PRKN: variants seen among roughly 807,000 people sequenced by gnomAD.
PRKN encodes the protein parkin RBR E3 ubiquitin protein ligase.
Under a neutral mutation model 59.5 loss-of-function variants are expected in PRKN, and 56 were observed. That is an observed-to-expected ratio of 0.94 (90% confidence interval 0.76 to 1.18). The LOEUF (loss-of-function observed/expected upper bound fraction) is 1.18, where lower values mean the gene tolerates loss of function less well. PRKN is among the 50% of genes most tolerant of loss of function. The probability of loss-of-function intolerance (pLI) is 0.00; values close to 1 mark genes in which losing one functional copy is unlikely to be tolerated. For synonymous variants in PRKN, 250 were observed against 222.1 expected (o/e 1.13, Z -1.12); for missense variants, 657 against 596.4 (o/e 1.10, Z -1.06).
rs1399120510 is a variant in PRKN, at chr6:162,572,766, A to G, written c.8-129293T>C. ...ATGAATGATAACACTTATTATGCAG[A>G]CATACATTATCCATCCACTCCTTTA... is the stretch of plus-strand genomic sequence containing the variant. On this transcript the variant is annotated intron_variant, in intron 1 of 11. Coordinates refer to ENST00000366898, the MANE Select transcript of PRKN (RefSeq NM_004562.3). 2.6e-5 allele frequency among the ~76,000 whole-genome samples: 4 copies of G among 152,194 alleles called. No homozygotes were observed. In the East Asian group the frequency reaches 7.7e-4, roughly 29 times the overall value.
At chr6:162,101,012 T>C (rs1202384637) in intron 4 of PRKN, among the ~76,000 whole-genome samples, 6 of 152,166 alleles carry the variant, frequency 3.9e-5, no homozygotes, top group African/African-American at 1.4e-4. Context: ...TGGCAAATAT[T>C]TTCTGCCATT....
intron 5 of PRKN, among the ~76,000 whole-genome samples, chr6:162,048,027 A>C (rs996769395): frequency 1.3e-5 from 2 of 152,162 alleles, no homozygotes; most frequent in Non-Finnish European, 2.9e-5. Context: ...ATTTCATTTG[A>C]AATAAATCTT....
At chr6:162,436,010 T>C (rs1398794181) in intron 2 of PRKN, among the ~76,000 whole-genome samples, 3 of 151,734 alleles carry the variant, frequency 2.0e-5, no homozygotes, top group Non-Finnish European at 4.4e-5. Context: ...AAGCAATCTC[T>C]ACTAAAAATA....
chr6:162,620,721 C>A (rs1208457979), intron 1 of PRKN, among the ~76,000 whole-genome samples: 1 of 94,010 alleles, frequency 1.1e-5, no homozygotes, highest in African/African-American at 4.8e-5. Flanking sequence ...TATAGATATT[C>A]TTTTTAATTT....
intron 9 of PRKN, among the ~76,000 whole-genome samples, chr6:161,392,526 TCTCTC>T (rs1786558704): frequency 3.5e-5 from 5 of 144,138 alleles, no homozygotes; most frequent in Non-Finnish European, 7.7e-5. Flanking sequence ...TCTCTCTCTC[TCTCTC>T]GCTATATATA....
At chr6:162,278,856 T>C (rs1780747886) in intron 2 of PRKN, among the ~76,000 whole-genome samples, 1 of 151,880 alleles carries the variant, frequency 6.6e-6, no homozygotes, top group Non-Finnish European at 1.5e-5. Flanking sequence ...GAGGGGAAGG[T>C]GTGAGTGAGG....
chr6:162,292,161 A>G (rs1477240720), intron 2 of PRKN, among the ~76,000 whole-genome samples: 1 of 151,906 alleles, frequency 6.6e-6, no homozygotes, highest in Admixed American at 6.6e-5. Context: ...ACAAGGTTTC[A>G]CTACATTGAC....
chr6:162,544,701 A>C (rs1173646910), intron 1 of PRKN, among the ~76,000 whole-genome samples: 1 of 121,650 alleles, frequency 8.2e-6, no homozygotes, highest in Non-Finnish European at 1.6e-5. Context: ...TTTTTGAGAC[A>C]GAGTCTCGCT....
intron 6 of PRKN, among the ~76,000 whole-genome samples, chr6:161,799,012 T>C (rs977602338): frequency 6.6e-6 from 1 of 152,158 alleles, no homozygotes; most frequent in African/African-American, 2.4e-5. Context: ...GCCAGAAAAC[T>C]GGGATTTGGC....
rs113871781 is a variant in PRKN, at chr6:161,771,435, T to G, written c.871+14337A>C. 4.6e-5 allele frequency among the ~76,000 whole-genome samples: 7 copies of G among 150,604 alleles called. 1 individual carries two copies. Among genetic ancestry groups the G allele is most frequent in the African/African-American group, 1.5e-4 (6 of 41,048 alleles). On this transcript the variant is annotated intron_variant, in intron 7 of 11. Transcript: ENST00000366898. ...GTGCTTGAGCCACAAGAAAGAGCTG[T>G]CACAGGTAGCAGCTTGGGGGAGGGA...
chr6:162,716,783 C>T (rs530717413), intron 1 of PRKN, among the ~76,000 whole-genome samples: 8 of 123,538 alleles, frequency 6.5e-5, no homozygotes, highest in East Asian at 4.2e-4. Context: ...CACACACACA[C>T]GCGCACACAC....
intron 6 of PRKN, among the ~76,000 whole-genome samples, chr6:161,840,016 C>T (rs1470780144): frequency 1.3e-5 from 2 of 152,270 alleles, no homozygotes. Flanking sequence ...GCTCGCCCCT[C>T]CTCTGCTGGG....
intron 10 of PRKN, among the ~76,000 whole-genome samples, chr6:161,367,140 G>A (rs897196793): frequency 1.3e-5 from 2 of 151,564 alleles, no homozygotes; most frequent in Non-Finnish European, 2.9e-5. Flanking sequence ...ACAGGCGCCC[G>A]CCACCACGCC....
At chr6:162,442,372 A>G (rs1367892654) in intron 2 of PRKN, among the ~76,000 whole-genome samples, 1 of 152,198 alleles carries the variant, frequency 6.6e-6, no homozygotes. Context: ...GGGAACATAC[A>G]TCTGCAGGGT....
Position 161,377,004 on chromosome 6 carries a change from C to T in PRKN, c.1167+9790G>A, listed in dbSNP as rs1043994761. On this transcript the variant is annotated intron_variant, in intron 10 of 11. Transcript: ENST00000366898. This position sits in a 1 kb window ranked among gnomAD's most constrained non-coding sequence, Gnocchi z 4.2. ...AAAGTGCTGGAAGCTCTGAGTGGGG[C>T]CCCGAGGAGCAAAGGGCAGGGTCAG... Among the ~76,000 whole-genome samples the T allele has an allele frequency of 1.3e-5, 2 of 152,222 alleles. No individual in the cohort carries two copies. The highest frequency in any genetic ancestry group is 2.4e-5 in the African/African-American group (1 of 41,464).
intron 2 of PRKN, among the ~76,000 whole-genome samples, chr6:162,306,604 T>G (rs1053679711): frequency 6.6e-6 from 1 of 152,186 alleles, no homozygotes; most frequent in African/African-American, 2.4e-5. Context: ...AGAAGCTCAG[T>G]ATATGCTCAG....
chr6:162,045,390 G>C (rs1784213442), intron 5 of PRKN, among the ~76,000 whole-genome samples: 1 of 152,146 alleles, frequency 6.6e-6, no homozygotes, highest in Non-Finnish European at 1.5e-5. Flanking sequence ...GTATTAAGGG[G>C]AATGATGACT....
chr6:162,079,550 C>T (rs1005444540), intron 4 of PRKN, among the ~76,000 whole-genome samples: 1 of 152,016 alleles, frequency 6.6e-6, no homozygotes, highest in Admixed American at 6.5e-5. Flanking sequence ...CAAAGAAAAA[C>T]AAAACCCTGC....
At chr6:162,009,496 G>A (rs2128267098) in intron 5 of PRKN, among the ~76,000 whole-genome samples, 1 of 151,724 alleles carries the variant, frequency 6.6e-6, no homozygotes, top group South Asian at 2.1e-4. Context: ...ATAACTTATG[G>A]CAAAAAAGGA....
Sources: gnomAD v4.1 joint callset for allele counts (sites outside exome capture counted in the v4.1 genomes callset) on GRCh38, gnomAD v4.1.1 for gene constraint, Gnocchi (gnomAD v3.1) non-coding constraint, MANE v1.5 for transcripts, NCBI Gene and HGNC (gene_info 2026-07-23, HGNC 2026-07-21) for gene names.